FBXL7: variants seen among roughly 807,000 people sequenced by gnomAD.
The protein encoded by FBXL7 is F-box and leucine rich repeat protein 7, also known as F-box/LRR-repeat protein 7.
A neutral mutation model predicts 38.3 loss-of-function variants in FBXL7; 12 were observed. The observed-to-expected ratio is 0.31, with a 90% confidence interval of 0.20 to 0.51. The LOEUF (loss-of-function observed/expected upper bound fraction) is 0.51, where lower values mean the gene tolerates loss of function less well. Among genes scored for constraint, FBXL7 ranks in the 20% least tolerant of loss-of-function variants. The pLI is 0.98. For missense variants in FBXL7, 567 were observed against 676.4 expected (o/e 0.84, Z 1.79); for synonymous variants, 297 against 300.9 (o/e 0.99, Z 0.13).
At chr5:15,825,244 T>C (rs914287746) in intron 2 of FBXL7, among the ~76,000 whole-genome samples, 2 of 152,152 alleles carry the variant, frequency 1.3e-5, no homozygotes, top group Non-Finnish European at 2.9e-5. Flanking sequence ...CAGAAGTAAA[T>C]GTATTAATAG....
intron 1 of FBXL7, among the ~76,000 whole-genome samples, chr5:15,581,255 TA>T (rs747841572): frequency 1.2e-4 from 18 of 152,042 alleles, no homozygotes; most frequent in South Asian, 4.2e-4. Flanking sequence ...ATTATGTCAT[TA>T]AAAAAAATCA....
At chr5:15,624,870 T>G (rs1255319018) in intron 2 of FBXL7, among the ~76,000 whole-genome samples, 1 of 106,274 alleles carries the variant, frequency 9.4e-6, no homozygotes, top group Non-Finnish European at 2.2e-5. Flanking sequence ...TACATGTTTG[T>G]TTTTTTTTTT....
At chr5:15,650,370 G>C (rs1275026171) in intron 2 of FBXL7, among the ~76,000 whole-genome samples, 1 of 152,222 alleles carries the variant, frequency 6.6e-6, no homozygotes, top group Non-Finnish European at 1.5e-5. Flanking sequence ...AAAAAGTGCT[G>C]ACGATCATCT....
intron 2 of FBXL7, among the ~76,000 whole-genome samples, chr5:15,618,850 A>G (rs1740534030): frequency 6.6e-6 from 1 of 152,184 alleles, no homozygotes; most frequent in Non-Finnish European, 1.5e-5. Context: ...CAGAAGAAAT[A>G]ATTCGACTGA....
At chr5:15,756,335 T>C (rs757490322) in intron 2 of FBXL7, among the ~76,000 whole-genome samples, 21 of 152,220 alleles carry the variant, frequency 1.4e-4, no homozygotes, top group Non-Finnish European at 2.6e-4. Flanking sequence ...CCATATTTCT[T>C]TCTACCTTCA....
At chr5:15,659,884 T>C (rs1005014472) in intron 2 of FBXL7, among the ~76,000 whole-genome samples, 2 of 152,210 alleles carry the variant, frequency 1.3e-5, no homozygotes, top group Non-Finnish European at 2.9e-5. Context: ...AGTGCTTATA[T>C]TGTGGAGGAG....
chr5:15,646,782 G>T (rs550226165), intron 2 of FBXL7, among the ~76,000 whole-genome samples: 2 of 152,146 alleles, frequency 1.3e-5, no homozygotes, highest in South Asian at 4.1e-4. Flanking sequence ...TATGAGTCTC[G>T]GAGATTTAGA....
In FBXL7 at chr5:15,802,882, A is replaced by G. The variant is rs529043514; in HGVS notation, c.128-125008A>G. 1.5e-4 allele frequency among the ~76,000 whole-genome samples: 23 copies of G among 151,946 alleles called. No homozygotes were observed. In the East Asian group the frequency reaches 1.9e-3, roughly 13 times the overall value. Reference sequence around the variant, plus strand: ...TGGCCAGGCTGGTTTCAAACTCCCAACCTCAGGTGATCCGCCTGCCTCAGC... The same window carrying G: ...TGGCCAGGCTGGTTTCAAACTCCCAGCCTCAGGTGATCCGCCTGCCTCAGC... On this transcript the variant is annotated intron_variant, in intron 2 of 3. Coordinates refer to ENST00000504595, the MANE Select transcript of FBXL7 (RefSeq NM_012304.5).
intron 2 of FBXL7, among the ~76,000 whole-genome samples, chr5:15,645,241 A>G (rs1561067142): frequency 6.6e-6 from 1 of 152,198 alleles, no homozygotes; most frequent in Non-Finnish European, 1.5e-5. Flanking sequence ...GGACCCCCAA[A>G]TCGCTAAGCT....
At chr5:15,734,871 G>A (rs557927692) in intron 2 of FBXL7, among the ~76,000 whole-genome samples, 99 of 152,294 alleles carry the variant, frequency 6.5e-4, no homozygotes, top group Admixed American at 9.8e-4. Context: ...TAAAGTTAGC[G>A]CCATCATGGA....
At chr5:15,935,137 G>A (rs775293857) in intron 3 of FBXL7, 37 of 534,178 alleles carry the variant, frequency 6.9e-5, no homozygotes, top group Non-Finnish European at 5.8e-5. Flanking sequence ...GCAGGCCAGT[G>A]GCGTTGGAGG....
chr5:15,870,002 C>T (rs2126822933), intron 2 of FBXL7, among the ~76,000 whole-genome samples: 1 of 152,166 alleles, frequency 6.6e-6, no homozygotes, highest in Non-Finnish European at 1.5e-5. Context: ...ATCAGCTACG[C>T]AGGAGGCTGA....
At chr5:15,765,147 C>A (rs1211309921) in intron 2 of FBXL7, among the ~76,000 whole-genome samples, 1 of 152,050 alleles carries the variant, frequency 6.6e-6, no homozygotes, top group Non-Finnish European at 1.5e-5. Flanking sequence ...TCTGTAAAAA[C>A]CCTTCTTGGT....
At chr5:15,678,841 A>G (rs918409594) in intron 2 of FBXL7, among the ~76,000 whole-genome samples, 1 of 152,204 alleles carries the variant, frequency 6.6e-6, no homozygotes, top group Non-Finnish European at 1.5e-5. Context: ...CTGGGAGTCC[A>G]TTAAATCTCT....
At chr5:15,852,574 G>T (rs145541032) in intron 2 of FBXL7, among the ~76,000 whole-genome samples, 1 of 151,964 alleles carries the variant, frequency 6.6e-6, no homozygotes, top group Non-Finnish European at 1.5e-5. Context: ...ATAGAATACC[G>T]TGCATAGACA....
chr5:15,791,745 G>C (rs1258977086), intron 2 of FBXL7, among the ~76,000 whole-genome samples: 1 of 152,108 alleles, frequency 6.6e-6, no homozygotes, highest in Admixed American at 6.5e-5. Flanking sequence ...GGGAGATGCT[G>C]GATAGTAAAT....
chr5:15,935,166 G>A (rs1579616263), intron 3 of FBXL7: 1 of 534,750 alleles, frequency 1.9e-6, no homozygotes, highest in South Asian at 1.4e-5. Flanking sequence ...AAAAGATGCC[G>A]TCAGAGAGCC....
chr5:15,588,589 G>A (rs1230842281), intron 1 of FBXL7, among the ~76,000 whole-genome samples: 3 of 152,082 alleles, frequency 2.0e-5, no homozygotes, highest in Non-Finnish European at 4.4e-5. Flanking sequence ...GTTTCAGCAT[G>A]TTGGCTAGGC....
intron 2 of FBXL7, among the ~76,000 whole-genome samples, chr5:15,761,806 A>G (rs954415910): frequency 2.6e-5 from 4 of 152,220 alleles, no homozygotes; most frequent in Non-Finnish European, 4.4e-5. Context: ...TTGGCCTCTC[A>G]AAGTGGCAGG....
Sources: gnomAD v4.1 joint callset for allele counts (sites outside exome capture counted in the v4.1 genomes callset) on GRCh38, gnomAD v4.1.1 for gene constraint, MANE v1.5 for transcripts, NCBI Gene and HGNC (gene_info 2026-07-23, HGNC 2026-07-21) for gene names.